SUSD1: variants seen among roughly 807,000 people sequenced by gnomAD.
The protein encoded by SUSD1 is sushi domain containing 1.
SUSD1 carries 65 observed loss-of-function variants against 86.9 expected under a neutral mutation model. That is an observed-to-expected ratio of 0.75 (90% confidence interval 0.61 to 0.92). The LOEUF (loss-of-function observed/expected upper bound fraction) is 0.92, where lower values mean the gene tolerates loss of function less well. SUSD1 is among the 40% of genes least tolerant of loss of function. The pLI, the probability that SUSD1 is intolerant of heterozygous loss-of-function variation, is 0.00. For synonymous variants in SUSD1, 346 were observed against 350.0 expected, an observed-to-expected ratio of 0.99 and a Z score of 0.13; for missense variants, 850 against 929.7, an observed-to-expected ratio of 0.91 and a Z score of 1.11.
Position 112,124,374 on chromosome 9 carries a change from T to G in SUSD1, c.769A>C (p.Arg257=). 1.2e-6 allele frequency: 2 copies of G among 1,614,200 alleles called. No individual in the cohort carries two copies. Among genetic ancestry groups the G allele is most frequent in the Non-Finnish European group, 1.7e-6 (2 of 1,180,006 alleles). ...ACATAGCGAGCCACACCGCCCAGCC[T>G]GGAGCTGTGATTTCCTACCAAGATG... ...HAILVGNHSS[R]LGGVARYVCQ... is the part of the protein sequence containing the mutation. The change falls in exon 6 of 17, where the codon AGG becomes CGG. Residue 257 remains arginine, a synonymous_variant. Coordinates refer to ENST00000374270, the MANE Select transcript of SUSD1 (RefSeq NM_022486.5).
At chr9:112,055,054 C>A (rs188783903) in intron 14 of SUSD1, among the ~76,000 whole-genome samples, 4 of 152,316 alleles carry the variant, frequency 2.6e-5, no homozygotes, top group Non-Finnish European at 2.9e-5. Context: ...AAAGAAGACA[C>A]ACAAATGGCC....
intron 10 of SUSD1, among the ~76,000 whole-genome samples, chr9:112,080,913 T>C (rs776211479): frequency 1.3e-5 from 2 of 152,194 alleles, no homozygotes; most frequent in African/African-American, 2.4e-5. Flanking sequence ...AATCAGGTTT[T>C]TCATGAGGAA....
rs200677918 is a variant in SUSD1 at position 112,080,154 on chromosome 9, T to A, written c.1486A>T (p.Ile496Phe). ...IATPPAVKQT[I>F]SNISGFNETC... ...TCATTAAATCCTGAAATGTTACTGATGGTCTGTTTTACTGTAGTGGAAAAG... is the reference window on the plus strand; with the variant it reads ...TCATTAAATCCTGAAATGTTACTGAAGGTCTGTTTTACTGTAGTGGAAAAG... The change falls in exon 11 of 17, where the codon ATC becomes TTC. Residue 496 changes from isoleucine to phenylalanine, a missense_variant. Ile to Phe is a conservative substitution (Grantham distance 21, BLOSUM62 0). Transcript: ENST00000374270. The A allele has an allele frequency of 4.7e-5, 76 of 1,612,600 alleles. No individual in the cohort carries two copies. The highest frequency in any genetic ancestry group is 6.4e-5 in the Non-Finnish European group (75 of 1,178,714).
At chr9:112,050,423 C>T (rs1294861034) in intron 15 of SUSD1, among the ~76,000 whole-genome samples, 1 of 152,154 alleles carries the variant, frequency 6.6e-6, no homozygotes, top group Non-Finnish European at 1.5e-5. Context: ...AGGAGAGAAG[C>T]AGACAAATGG....
At chr9:112,130,028 A>G (rs968378146) in intron 5 of SUSD1, among the ~76,000 whole-genome samples, 8 of 152,160 alleles carry the variant, frequency 5.3e-5, no homozygotes, top group Non-Finnish European at 8.8e-5. Flanking sequence ...ACCAGTATTA[A>G]TCTTGTGCCA....
Position 112,113,512 on chromosome 9 carries a change from A to C in SUSD1, c.887-644T>G, listed in dbSNP as rs1295135614. Among the ~76,000 whole-genome samples, 1 of 152,238 alleles carries C rather than the reference A, an allele frequency of 6.6e-6. No homozygotes were observed. Among genetic ancestry groups the C allele is most frequent in the Non-Finnish European group, 1.5e-5 (1 of 68,038 alleles). On this transcript the variant is annotated intron_variant, in intron 6 of 16. Transcript: ENST00000374270. This position sits in a 1 kb window ranked among gnomAD's most constrained non-coding sequence, Gnocchi z 4.1. ...ATATATTCCAGCTAATGAATTCAGC[A>C]ATGTGGGAAACCATATGAAGGCCTT...
At chr9:112,172,990 C>A (rs1369782795) in intron 1 of SUSD1, among the ~76,000 whole-genome samples, 2 of 152,178 alleles carry the variant, frequency 1.3e-5, no homozygotes, top group Non-Finnish European at 2.9e-5. Flanking sequence ...CCCAAATTCA[C>A]CCCCAAAACC....
rs931869542 is a variant in SUSD1, at chr9:112,109,372, T to C, written c.1171+2282A>G. 5.9e-5 allele frequency among the ~76,000 whole-genome samples: 9 copies of C among 152,254 alleles called. No individual in the cohort carries two copies. The East Asian group carries it at 1.2e-3, about 20-fold the overall frequency. On this transcript the variant is annotated intron_variant, in intron 8 of 16. Transcript: ENST00000374270. The stretch of plus-strand genomic sequence containing the variant: ...AATAATGAAATCAGACAACAGAATG[T>C]CCAGGATCTAGAGGAAAAAAATGAC...
At chr9:112,044,375 GT>G (rs1827868868) in intron 15 of SUSD1, among the ~76,000 whole-genome samples, 1 of 152,168 alleles carries the variant, frequency 6.6e-6, no homozygotes, top group South Asian at 2.1e-4. Context: ...CTGTGTCTCA[GT>G]CCCCACACTG....
intron 13 of SUSD1, among the ~76,000 whole-genome samples, chr9:112,062,427 G>A (rs1828770531): frequency 6.6e-6 from 1 of 152,182 alleles, no homozygotes; most frequent in South Asian, 2.1e-4. Flanking sequence ...GGGTGTGGTG[G>A]TTCAAGCCTG....
At chr9:112,070,036 G>A (rs983489452) in intron 12 of SUSD1, among the ~76,000 whole-genome samples, 30 of 151,910 alleles carry the variant, frequency 2.0e-4, no homozygotes, top group African/African-American at 3.1e-4. Context: ...ATGGAGTTTC[G>A]CTCTTGTCGC....
In SUSD1 at chr9:112,058,334, C is replaced by A. The variant is rs371904393; in HGVS notation, c.2109+94G>T. The A allele has an allele frequency of 3.5e-6, 5 of 1,437,260 alleles. 1 individual carries two copies. The Middle Eastern group carries it at 7.4e-4, about 213-fold the overall frequency. 89.0% of individuals were successfully genotyped at this position (1,437,260 alleles called of 1,614,324 possible). A position where few individuals can be genotyped will look rare whatever the true frequency, so the allele number is the denominator to read the frequency against. Reference sequence around the variant, plus strand: ...ATTTTGTGATTGTTACATGCAGTGACCCTCTCATATACTTGGAAAATAAAT... The same window carrying A: ...ATTTTGTGATTGTTACATGCAGTGAACCTCTCATATACTTGGAAAATAAAT... On this transcript the variant is annotated intron_variant, in intron 14 of 16. Transcript: ENST00000374270.
At chr9:112,079,285 A>G (rs28547164) in intron 11 of SUSD1, among the ~76,000 whole-genome samples, 2,762 of 152,272 alleles carry the variant, frequency 0.018, 78 homozygotes, top group African/African-American at 0.063. Flanking sequence ...ACAAAAGGCT[A>G]AGGTCCCAAT....
intron 1 of SUSD1, among the ~76,000 whole-genome samples, chr9:112,170,704 T>TAG (rs1260226965): frequency 0.014 from 1,323 of 91,384 alleles, 12 homozygotes; most frequent in African/African-American, 0.037. Context: ...TATATATATA[T>TAG]ATATATAGAG....
rs149390940 is a variant in SUSD1, at chr9:112,119,980, G to T, written c.886+4277C>A. 2.8e-3 allele frequency among the ~76,000 whole-genome samples: 432 copies of T among 152,240 alleles called. 6 individuals are homozygous for T. The highest frequency in any genetic ancestry group is 9.9e-3 in the African/African-American group (411 of 41,536). ...AACAGTGAAAACAGGACAGAGGTAG[G>T]AGGCATTCAGAGAGAAGCAGAAAAG... On this transcript the variant is annotated intron_variant, in intron 6 of 16. Transcript: ENST00000374270.
At chr9:112,165,802 AAG>A (rs531133862) in intron 1 of SUSD1, among the ~76,000 whole-genome samples, 8 of 150,720 alleles carry the variant, frequency 5.3e-5, no homozygotes, top group East Asian at 3.9e-4. Flanking sequence ...GAAAGAGAGA[AAG>A]AGAGAGAGAG....
intron 2 of SUSD1, among the ~76,000 whole-genome samples, chr9:112,156,373 A>G (rs1833318620): frequency 6.6e-6 from 1 of 151,860 alleles, no homozygotes; most frequent in Admixed American, 6.6e-5. Flanking sequence ...GAAGTAGGAG[A>G]ATCACTTGAA....
Position 112,125,868 on chromosome 9 carries a change from G to A in SUSD1, c.707-1432C>T, listed in dbSNP as rs141032783. 5.7e-3 allele frequency among the ~76,000 whole-genome samples: 872 copies of A among 152,280 alleles called. 15 individuals are homozygous for A. The highest frequency in any genetic ancestry group is 0.032 in the Admixed American group (488 of 15,292). ...ACATCCCATTATGGATGCTTGGGCTGTTGCAGGACTCCAGAGTTATTTCCA... is the reference window on the plus strand; with the variant it reads ...ACATCCCATTATGGATGCTTGGGCTATTGCAGGACTCCAGAGTTATTTCCA... On this transcript the variant is annotated intron_variant, in intron 5 of 16. Transcript: ENST00000374270.
chr9:112,130,585 A>G (rs1831982728), intron 5 of SUSD1, among the ~76,000 whole-genome samples: 1 of 134,622 alleles, frequency 7.4e-6, no homozygotes, highest in African/African-American at 2.6e-5. Context: ...GGAAAGGAGG[A>G]AGGAAGGAAA....
Sources: gnomAD v4.1 joint callset for allele counts (sites outside exome capture counted in the v4.1 genomes callset) on GRCh38, gnomAD v4.1.1 for gene constraint, Gnocchi (gnomAD v3.1) non-coding constraint, MANE v1.5 for transcripts, NCBI Gene and HGNC (gene_info 2026-07-23, HGNC 2026-07-21) for gene names.